ABHD6: variants seen among roughly 807,000 people sequenced by gnomAD.
ABHD6 encodes abhydrolase domain containing 6, acylglycerol lipase.
A neutral mutation model predicts 38.8 loss-of-function variants in ABHD6; 33 were observed. That is an observed-to-expected ratio of 0.85 (90% confidence interval 0.64 to 1.14). The LOEUF (loss-of-function observed/expected upper bound fraction) is 1.14, where lower values mean the gene tolerates loss of function less well. Among genes scored for constraint, ABHD6 ranks in the 50% most tolerant of loss-of-function variants. The probability of loss-of-function intolerance (pLI) is 0.00; values close to 1 mark genes in which losing one functional copy is unlikely to be tolerated. For synonymous variants in ABHD6, 147 were observed against 161.6 expected, an observed-to-expected ratio of 0.91 and a Z score of 0.69; for missense variants, 380 against 422.6, an observed-to-expected ratio of 0.90 and a Z score of 0.88.
intron 4 of ABHD6, among the ~76,000 whole-genome samples, chr3:58,268,659 C>T (rs528932009): frequency 1.3e-5 from 2 of 152,188 alleles, no homozygotes; most frequent in Non-Finnish European, 2.9e-5. Context: ...ACTATGAGGA[C>T]AGTCATTTTC....
At chr3:58,281,611 A>T (rs1433268159) in intron 7 of ABHD6, among the ~76,000 whole-genome samples, 1 of 152,146 alleles carries the variant, frequency 6.6e-6, no homozygotes, top group East Asian at 1.9e-4. Context: ...CCACTGTCCA[A>T]CCAGTCCCAG....
intron 1 of ABHD6, among the ~76,000 whole-genome samples, chr3:58,246,683 C>T (rs918435370): frequency 1.3e-5 from 2 of 151,962 alleles, no homozygotes; most frequent in Non-Finnish European, 2.9e-5. Context: ...ACCATCTAAT[C>T]AGTACCTCTC....
intron 9 of ABHD6, among the ~76,000 whole-genome samples, chr3:58,291,987 C>G (rs79777222): frequency 6.6e-6 from 1 of 152,212 alleles, no homozygotes; most frequent in South Asian, 2.1e-4. Context: ...GGAGTTTCCA[C>G]TTTTTCATGC....
rs1005915348 is a variant in ABHD6, at chr3:58,293,255, C to T, written c.838-334C>T. Among the ~76,000 whole-genome samples, 5 of 152,158 alleles carry T rather than the reference C, an allele frequency of 3.3e-5. No homozygotes were observed. Among genetic ancestry groups the T allele is most frequent in the African/African-American group, 1.2e-4 (5 of 41,430 alleles). ...TTTCTGCTCTCCCGGGACTCAGGAA[C>T]GAGGTCTTCCCTCGACCCTGCTCAT... On this transcript the variant is annotated intron_variant, in intron 9 of 9. Transcript: ENST00000478253. The surrounding 1 kb of genome is among the most constrained non-coding windows in gnomAD (Gnocchi z 4.4).
In ABHD6 at chr3:58,293,270, A is replaced by G. The variant is rs1299579063; in HGVS notation, c.838-319A>G. The stretch of plus-strand genomic sequence containing the variant: ...GACTCAGGAACGAGGTCTTCCCTCG[A>G]CCCTGCTCATCCCCTGTGCTCTCTG... On this transcript the variant is annotated intron_variant, in intron 9 of 9. Transcript: ENST00000478253. This position sits in a 1 kb window ranked among gnomAD's most constrained non-coding sequence, Gnocchi z 4.4. 2.0e-5 allele frequency among the ~76,000 whole-genome samples: 3 copies of G among 152,018 alleles called. No homozygotes were observed. The highest frequency in any genetic ancestry group is 2.9e-5 in the Non-Finnish European group (2 of 68,004).
chr3:58,269,372 G>A lies in ABHD6; in HGVS notation c.328G>A (p.Gly110Ser). ...LVCVDMPGHE[G>S]TTRSSLDDLS... ...CTGCGTGGACATGCCAGGACATGAG[G>A]GCACCACCCGCTCCTCCCTGGATGA... The change falls in exon 5 of 10, where the codon GGC becomes AGC. Residue 110 changes from glycine (G) to serine (S), a missense_variant. Transcript: ENST00000478253. The surrounding 1 kb of genome is among the most constrained non-coding windows in gnomAD (Gnocchi z 4.4). 1 of 1,613,940 alleles carries A rather than the reference G, an allele frequency of 6.2e-7. No homozygotes were observed. Among genetic ancestry groups the A allele is most frequent in the South Asian group, 1.1e-5 (1 of 91,076 alleles).
At position 58,251,711 on chromosome 3, in the gene ABHD6, T is replaced by A. The variant is rs539724586; in HGVS notation, c.-26+1769T>A. Among the ~76,000 whole-genome samples the A allele has an allele frequency of 3.9e-5, 6 of 152,288 alleles. No homozygotes were observed. Among genetic ancestry groups the A allele is most frequent in the Admixed American group, 6.5e-5 (1 of 15,294 alleles). ...GAGTATGTTTTCCCTGGTGCCAGCATGGCCAGCTCTCCTTCCTGGCATTGC... is the reference window on the plus strand; with the variant it reads ...GAGTATGTTTTCCCTGGTGCCAGCAAGGCCAGCTCTCCTTCCTGGCATTGC... On this transcript the variant is annotated intron_variant, in intron 2 of 9. Transcript: ENST00000478253. This position sits in a 1 kb window ranked among gnomAD's most constrained non-coding sequence, Gnocchi z 5.4.
chr3:58,284,842 C>T (rs1408568131), intron 7 of ABHD6, among the ~76,000 whole-genome samples: 1 of 152,034 alleles, frequency 6.6e-6, no homozygotes, highest in Non-Finnish European at 1.5e-5. Flanking sequence ...CTGTAGGGCA[C>T]CTCCAGTTTC....
In ABHD6 at chr3:58,256,782, A is replaced by G. The variant is rs369440596; in HGVS notation, c.119+77A>G. The G allele has an allele frequency of 1.7e-6, 2 of 1,151,732 alleles. No individual in the cohort carries two copies. The highest frequency in any genetic ancestry group is 1.3e-6 in the Non-Finnish European group (1 of 787,542). 71.3% of individuals were successfully genotyped at this position (1,151,732 alleles called of 1,614,324 possible). A position where few individuals can be genotyped will look rare whatever the true frequency, so the allele number is the denominator to read the frequency against. ...TTCTCTGCTTGTCCTTTTTGTGGTT[A>G]TTGTCCAACATTTTATCAGGAAGTA... On this transcript the variant is annotated intron_variant, in intron 3 of 9. Transcript: ENST00000478253. This position sits in a 1 kb window ranked among gnomAD's most constrained non-coding sequence, Gnocchi z 4.3.
chr3:58,240,754 G>A (rs2138242), intron 1 of ABHD6, among the ~76,000 whole-genome samples: 109,618 of 145,280 alleles, frequency 0.75, 42,440 homozygotes, highest in East Asian at 1. Flanking sequence ...TTTTTGAGAC[G>A]GAGTCTTGCT....
intron 7 of ABHD6, among the ~76,000 whole-genome samples, chr3:58,283,944 T>C (rs778440049): frequency 6.6e-6 from 1 of 152,232 alleles, no homozygotes; most frequent in Admixed American, 6.5e-5. Flanking sequence ...AGTCTAGTGA[T>C]GCTCCAGAGG....
intron 9 of ABHD6, among the ~76,000 whole-genome samples, chr3:58,289,704 A>C (rs1395181294): frequency 6.6e-6 from 1 of 152,018 alleles, no homozygotes; most frequent in East Asian, 1.9e-4. Context: ...TTTCTATTCC[A>C]CAAAACCACC....
rs1419043235 is a variant in ABHD6 at position 58,285,646 on chromosome 3, G to T, written c.837+193G>T. ...TGGGAGTGGAGAGAAACAACATTTG[G>T]TCTGGTAAAAGGAAAGACAATTTTA... On this transcript the variant is annotated intron_variant, in intron 9 of 9. Coordinates refer to ENST00000478253, the MANE Select transcript of ABHD6 (RefSeq NM_001320126.2). The surrounding 1 kb of genome is among the most constrained non-coding windows in gnomAD (Gnocchi z 4.9). 6.6e-6 allele frequency among the ~76,000 whole-genome samples: 1 copy of T among 152,138 alleles called. No homozygotes were observed. The highest frequency in any genetic ancestry group is 1.5e-5 in the Non-Finnish European group (1 of 68,022).
rs570807748 is a variant in ABHD6 at position 58,239,547 on chromosome 3, G to A, written c.-91+1631G>A. ...ATTATTTTTATTATTTTGCCTTTTCGACACATTCTGTGGCTTTCGTCAACT... is the reference window on the plus strand; with the variant it reads ...ATTATTTTTATTATTTTGCCTTTTCAACACATTCTGTGGCTTTCGTCAACT... On this transcript the variant is annotated intron_variant, in intron 1 of 9. Transcript: ENST00000478253. 3.9e-5 allele frequency among the ~76,000 whole-genome samples: 6 copies of A among 151,996 alleles called. No individual in the cohort carries two copies. In the South Asian group the frequency reaches 1.2e-3, roughly 32 times the overall value.
chr3:58,285,301 T>C lies in ABHD6; in HGVS notation c.737-52T>C. On this transcript the variant is annotated intron_variant, in intron 8 of 9. Coordinates refer to ENST00000478253, the MANE Select transcript of ABHD6 (RefSeq NM_001320126.2). The surrounding 1 kb of genome is among the most constrained non-coding windows in gnomAD (Gnocchi z 4.9). Reference sequence around the variant, plus strand: ...TGACTATCCCTTGATTCTGCGGTGGTGCCACAGGCACAGTCCAGCACATAC... The same window carrying C: ...TGACTATCCCTTGATTCTGCGGTGGCGCCACAGGCACAGTCCAGCACATAC... 1 of 1,583,582 alleles carries C rather than the reference T, an allele frequency of 6.3e-7. No individual in the cohort carries two copies. The highest frequency in any genetic ancestry group is 1.1e-5 in the South Asian group (1 of 90,388).
intron 1 of ABHD6, among the ~76,000 whole-genome samples, chr3:58,246,748 A>G (rs894989449): frequency 3.6e-4 from 55 of 152,082 alleles, no homozygotes; most frequent in African/African-American, 1.3e-3. Context: ...ATGTGTTTCC[A>G]GGATAGAACA....
intron 2 of ABHD6, among the ~76,000 whole-genome samples, chr3:58,252,660 A>C (rs1489899823): frequency 6.6e-6 from 1 of 152,228 alleles, no homozygotes; most frequent in Non-Finnish European, 1.5e-5. Context: ...TGCTCACTAA[A>C]GTCATCTTGC....
intron 7 of ABHD6, among the ~76,000 whole-genome samples, chr3:58,280,285 T>G (rs1232199269): frequency 6.6e-6 from 1 of 152,186 alleles, no homozygotes; most frequent in Non-Finnish European, 1.5e-5. Flanking sequence ...GCTTTTTTTG[T>G]TTCTTTTTAC....
In ABHD6 at chr3:58,263,671, T is replaced by C. The variant is rs2097438704; in HGVS notation, c.120-3518T>C. On this transcript the variant is annotated intron_variant, in intron 3 of 9. Coordinates refer to ENST00000478253, the MANE Select transcript of ABHD6 (RefSeq NM_001320126.2). This position sits in a 1 kb window ranked among gnomAD's most constrained non-coding sequence, Gnocchi z 4.9. ...CACCTTCTCCAGCTTCCAGCTGATG[T>C]ATGTTGAGTATCCAGTAGTCTGCTG... is the stretch of plus-strand genomic sequence containing the variant. 6.6e-6 allele frequency among the ~76,000 whole-genome samples: 1 copy of C among 152,256 alleles called. No individual in the cohort carries two copies. The highest frequency in any genetic ancestry group is 1.5e-5 in the Non-Finnish European group (1 of 68,044).
Sources: gnomAD v4.1 joint callset for allele counts (sites outside exome capture counted in the v4.1 genomes callset) on GRCh38, gnomAD v4.1.1 for gene constraint, Gnocchi (gnomAD v3.1) non-coding constraint, MANE v1.5 for transcripts, NCBI Gene and HGNC (gene_info 2026-07-23, HGNC 2026-07-21) for gene names.